Variants in CKAP5 observed in about 807,000 individuals in gnomAD.
CKAP5 encodes the protein cytoskeleton-associated protein 5.
Under a neutral mutation model 232.8 loss-of-function variants are expected in CKAP5, and 27 were observed. That is an observed-to-expected ratio of 0.12 (90% CI 0.09 to 0.16). CKAP5 has a LOEUF of 0.16. Among genes scored for constraint, CKAP5 ranks in the 10% least tolerant of loss-of-function variants. CKAP5 has a pLI of 1.00. For missense variants in CKAP5, 1,838 were observed against 2,424.7 expected (o/e 0.76, Z 5.08); for synonymous variants, 785 against 841.1 (o/e 0.93, Z 1.16).
rs898549889 is a variant in CKAP5 at position 46,843,733 on chromosome 11, A to G, written c.-38+2487T>C. ...CGAAAGAGTGAGATCTGATTGAAAA[A>G]AAAAAAAAAAAAAAATTGAGAGAAC... is the stretch of plus-strand genomic sequence containing the variant. On this transcript the variant is annotated intron_variant, in intron 1 of 43. Transcript: ENST00000529230. Among the ~76,000 whole-genome samples the G allele has an allele frequency of 7.2e-5, 11 of 151,872 alleles. No individual in the cohort carries two copies. In the South Asian group the frequency reaches 2.3e-3, roughly 32 times the overall value.
intron 37 of CKAP5, 23 bp downstream of exon 37, chr11:46,753,287 A>G (rs773964900): frequency 2.6e-6 from 4 of 1,565,022 alleles, no homozygotes; most frequent in Non-Finnish European, 3.5e-6. Flanking sequence ...CCCAGGCTCT[A>G]TTGGCTGAGA....
At chr11:46,830,884 GA>G (rs1939775651) in intron 1 of CKAP5, among the ~76,000 whole-genome samples, 1 of 152,118 alleles carries the variant, frequency 6.6e-6, no homozygotes, top group African/African-American at 2.4e-5. Context: ...CTAACAGGAT[GA>G]AACCATGTAT....
At chr11:46,812,545 C>T (rs563259379) in intron 4 of CKAP5, among the ~76,000 whole-genome samples, 3 of 152,052 alleles carry the variant, frequency 2.0e-5, no homozygotes, top group Non-Finnish European at 4.4e-5. Flanking sequence ...TATCTATTAT[C>T]TAATGTGCAC....
intron 35 of CKAP5, 152 bp downstream of exon 35, chr11:46,758,771 G>T (rs1256292669): frequency 5.3e-6 from 4 of 758,770 alleles, no homozygotes; most frequent in Admixed American, 3.1e-5. Context: ...GGCAAGTGAT[G>T]ACTGAGTGGC....
chr11:46,808,505 C>T (rs1939206583), intron 7 of CKAP5, among the ~76,000 whole-genome samples: 3 of 152,164 alleles, frequency 2.0e-5, no homozygotes. Context: ...CGCGCCACTG[C>T]ACTCTAGCCT....
At chr11:46,841,043 C>T (rs1267043550) in intron 1 of CKAP5, among the ~76,000 whole-genome samples, 1 of 151,598 alleles carries the variant, frequency 6.6e-6, no homozygotes, top group African/African-American at 2.4e-5. Context: ...CTGAGGCGGG[C>T]GGATCACTTG....
chr11:46,751,019 T>C, intron 40 of CKAP5, 99 bp downstream of exon 40: 1 of 1,433,986 alleles, frequency 7.0e-7, no homozygotes, highest in African/African-American at 1.4e-5. Context: ...AGCCTTCACC[T>C]TGGACCTTCG....
At chr11:46,761,547 C>T (rs182428148) in intron 32 of CKAP5, among the ~76,000 whole-genome samples, 2 of 152,220 alleles carry the variant, frequency 1.3e-5, no homozygotes, top group Admixed American at 6.5e-5. Context: ...CTCACTCAAA[C>T]GAAATAAGAG....
At chr11:46,759,171 T>C (rs904950429) in intron 34 of CKAP5, 98 bp downstream of exon 34, 1 of 1,510,942 alleles carries the variant, frequency 6.6e-7, no homozygotes, top group African/African-American at 1.4e-5. Flanking sequence ...AATAATCAGT[T>C]CTAAAAAGTT....
chr11:46,773,982 T>TA (rs1250128054), intron 24 of CKAP5, among the ~76,000 whole-genome samples: 6 of 152,130 alleles, frequency 3.9e-5, no homozygotes, highest in Non-Finnish European at 8.8e-5. Flanking sequence ...TGCCCTCTCT[T>TA]ACCACTCCTT....
Position 46,778,511 on chromosome 11 carries a change from G to C in CKAP5, c.2522C>G (p.Pro841Arg), listed in dbSNP as rs1377779284. ...AACGACATCATTGCTCCCGTCATCT[G>C]GTTCATCTCCATCTTCTCCTTCATC... is the stretch of plus-strand genomic sequence containing the variant. ...GTDEGEDGDE[P>R]DDGSNDVVDL... Residue 841 changes from proline (P) to arginine (R), a missense_variant, in exon 21 of 44, where the codon CCA becomes CGA. This residue lies in a region of CKAP5 where 767 missense variants were observed against 954.6 expected (regional missense o/e 0.80). Transcript: ENST00000529230. 6 of 1,613,952 alleles carry C rather than the reference G, an allele frequency of 3.7e-6. No homozygotes were observed. Among genetic ancestry groups the C allele is most frequent in the Non-Finnish European group, 2.5e-6 (3 of 1,179,974 alleles).
At chr11:46,770,572 C>T (rs2065238999) in intron 25 of CKAP5, among the ~76,000 whole-genome samples, 1 of 152,194 alleles carries the variant, frequency 6.6e-6, no homozygotes, top group Admixed American at 6.5e-5. Context: ...GCTGGGATTA[C>T]AGGCATGTGC....
chr11:46,794,087 T>C (rs950959990), intron 13 of CKAP5, among the ~76,000 whole-genome samples: 7 of 152,128 alleles, frequency 4.6e-5, no homozygotes, highest in African/African-American at 1.7e-4. Flanking sequence ...GGACACCGTA[T>C]ATAAAAATAA....
At chr11:46,782,497 G>A (rs766477959) in intron 18 of CKAP5, among the ~76,000 whole-genome samples, 1 of 152,174 alleles carries the variant, frequency 6.6e-6, no homozygotes, top group Non-Finnish European at 1.5e-5. Flanking sequence ...AACTTCTAGA[G>A]TAGTGTTTTT....
intron 24 of CKAP5, among the ~76,000 whole-genome samples, chr11:46,771,977 G>T (rs1056995109): frequency 1.3e-5 from 2 of 150,290 alleles, no homozygotes; most frequent in East Asian, 3.9e-4. Flanking sequence ...ATTGTATAGT[G>T]ATATTTCAAC....
At chr11:46,838,719 G>C (rs1371276176) in intron 1 of CKAP5, among the ~76,000 whole-genome samples, 1 of 146,740 alleles carries the variant, frequency 6.8e-6, no homozygotes, top group Non-Finnish European at 1.5e-5. Flanking sequence ...CCTTGAGCCC[G>C]GGAGGTGAAG....
chr11:46,798,820 G>A (rs929994991), intron 9 of CKAP5, among the ~76,000 whole-genome samples: 1 of 152,096 alleles, frequency 6.6e-6, no homozygotes, highest in Non-Finnish European at 1.5e-5. Flanking sequence ...CTTTAAGAGG[G>A]TAAATTTTAT....
chr11:46,777,518 G>A lies in CKAP5; in HGVS notation c.2783C>T (p.Ala928Val), dbSNP rs2065301216. The change falls in exon 23 of 44, where the codon GCA (alanine) becomes GTA (valine). Residue 928 changes from alanine to valine, a missense_variant. This residue lies in a region of CKAP5 where 767 missense variants were observed against 954.6 expected (regional missense o/e 0.80). Transcript: ENST00000529230. ...CTTAATATTTGGGCCCATGGCTACT[G>A]CCAGTTGTTGCAGGATATTCAGCGT... Reference protein sequence around the residue: ...QQTLNILQQLAVAMGPNIKQH... With the variant: ...QQTLNILQQLVVAMGPNIKQH... 6.2e-7 allele frequency: 1 copy of A among 1,613,722 alleles called. No homozygotes were observed. Among genetic ancestry groups the A allele is most frequent in the Non-Finnish European group, 8.5e-7 (1 of 1,179,686 alleles).
Position 46,760,703 on chromosome 11 carries a change from C to T in CKAP5, c.4303G>A (p.Val1435Met), listed in dbSNP as rs774706208. 2.2e-5 allele frequency: 36 copies of T among 1,614,090 alleles called. No homozygotes were observed. Among genetic ancestry groups the T allele is most frequent in the Non-Finnish European group, 2.8e-5 (33 of 1,180,026 alleles). The part of the protein sequence containing the change: ...KRPSAAPIKQ[V>M]EEKPQRAQNI... Reference sequence around the variant, plus strand: ...TGTGCACGCTGAGGTTTCTCTTCCACCTGTTTTATTGGTGCAGCAGAGGGT... The same window carrying T: ...TGTGCACGCTGAGGTTTCTCTTCCATCTGTTTTATTGGTGCAGCAGAGGGT... Residue 1435 changes from valine (V) to methionine (M), a missense_variant, in exon 33 of 44, where the codon GTG becomes ATG. Val to Met is a conservative substitution (Grantham distance 21, BLOSUM62 1). Transcript: ENST00000529230.
Sources: gnomAD v4.1 joint callset for allele counts (sites outside exome capture counted in the v4.1 genomes callset) on GRCh38, gnomAD v4.1.1 for gene constraint, gnomAD v4.1.1 regional missense constraint, MANE v1.5 for transcripts, NCBI Gene and HGNC (gene_info 2026-07-23, HGNC 2026-07-21) for gene names.